Variants in PDZRN3 observed in about 807,000 individuals in gnomAD.
The protein encoded by PDZRN3 is PDZ domain containing ring finger 3.
A neutral mutation model predicts 85.7 loss-of-function variants in PDZRN3; 38 were observed. That is an observed-to-expected ratio of 0.44 (90% confidence interval 0.34 to 0.58). The LOEUF (loss-of-function observed/expected upper bound fraction) is 0.58, where lower values mean the gene tolerates loss of function less well. Ranked by LOEUF, PDZRN3 falls within the 20% of genes least tolerant of loss-of-function variation. The probability of loss-of-function intolerance (pLI) is 0.01; values close to 1 mark genes in which losing one functional copy is unlikely to be tolerated. For missense variants in PDZRN3, 1,629 were observed against 1,506.4 expected, an observed-to-expected ratio of 1.08 and a Z score of -1.35; for synonymous variants, 759 against 638.0, an observed-to-expected ratio of 1.19 and a Z score of -2.86.
chr3:73,525,665 T>C (rs566782349), intron 3 of PDZRN3, among the ~76,000 whole-genome samples: 1 of 152,344 alleles, frequency 6.6e-6, no homozygotes, highest in South Asian at 2.1e-4. Context: ...GCTACTTTAG[T>C]TGAGCCCCTG....
chr3:73,533,672 G>T (rs1466449190), intron 3 of PDZRN3, among the ~76,000 whole-genome samples: 2 of 152,074 alleles, frequency 1.3e-5, no homozygotes, highest in Non-Finnish European at 2.9e-5. Context: ...GAAGTCATCA[G>T]TTGCCCCTGC....
chr3:73,445,850 T>C (rs571956197), intron 3 of PDZRN3, among the ~76,000 whole-genome samples: 15 of 152,356 alleles, frequency 9.8e-5, no homozygotes, highest in Non-Finnish European at 1.8e-4. Context: ...GATTCTGGTC[T>C]GATGGCCAGA....
chr3:73,556,222 A>G (rs1701691867), intron 3 of PDZRN3, among the ~76,000 whole-genome samples: 1 of 152,210 alleles, frequency 6.6e-6, no homozygotes. Flanking sequence ...AAAGTTTTTC[A>G]TTTGAGAAAA....
intron 3 of PDZRN3, among the ~76,000 whole-genome samples, chr3:73,493,878 T>C (rs1449452016): frequency 6.6e-6 from 1 of 152,194 alleles, no homozygotes; most frequent in Non-Finnish European, 1.5e-5. Context: ...ACAGGATCAA[T>C]CTTGGCGGTG....
At chr3:73,460,856 C>T (rs1413681253) in intron 3 of PDZRN3, among the ~76,000 whole-genome samples, 1 of 152,030 alleles carries the variant, frequency 6.6e-6, no homozygotes, top group Non-Finnish European at 1.5e-5. Flanking sequence ...TGCAGTGGCA[C>T]AATCTCGGCT....
chr3:73,503,826 C>A, intron 3 of PDZRN3, among the ~76,000 whole-genome samples: 1 of 152,112 alleles, frequency 6.6e-6, no homozygotes, highest in South Asian at 2.1e-4. Flanking sequence ...GGCTTTTATA[C>A]AAAATGTATA....
chr3:73,436,701 C>T (rs187416898), intron 3 of PDZRN3, among the ~76,000 whole-genome samples: 2 of 152,202 alleles, frequency 1.3e-5, no homozygotes, highest in African/African-American at 2.4e-5. Context: ...ACTGTATTTC[C>T]GAGCAGTGGT....
intron 5 of PDZRN3, among the ~76,000 whole-genome samples, chr3:73,394,805 G>T (rs1406454974): frequency 2.0e-5 from 3 of 152,216 alleles, no homozygotes; most frequent in African/African-American, 7.2e-5. Flanking sequence ...GAAGAATCTG[G>T]TTGCTGACAG....
At chr3:73,431,406 C>G (rs1052654830) in intron 3 of PDZRN3, among the ~76,000 whole-genome samples, 1 of 152,206 alleles carries the variant, frequency 6.6e-6, no homozygotes, top group African/African-American at 2.4e-5. Context: ...AGGATAAAGT[C>G]TGAGCCCTGG....
chr3:73,577,515 T>C (rs1169012765), intron 3 of PDZRN3, among the ~76,000 whole-genome samples: 3 of 152,178 alleles, frequency 2.0e-5, no homozygotes, highest in Non-Finnish European at 4.4e-5. Flanking sequence ...ATACCTTGTA[T>C]AGAATGGTTC....
intron 3 of PDZRN3, among the ~76,000 whole-genome samples, chr3:73,536,480 G>A (rs138371946): frequency 4.6e-4 from 70 of 152,304 alleles, no homozygotes; most frequent in African/African-American, 1.7e-3. Flanking sequence ...GGCATGACAG[G>A]TATGTGTGTC....
chr3:73,546,522 T>A (rs929242308), intron 3 of PDZRN3, among the ~76,000 whole-genome samples: 1 of 152,328 alleles, frequency 6.6e-6, no homozygotes, highest in Admixed American at 6.5e-5. Context: ...TGCCCATTCA[T>A]CAGTGAGGAA....
chr3:73,511,426 G>A (rs923966218), intron 3 of PDZRN3, among the ~76,000 whole-genome samples: 11 of 152,196 alleles, frequency 7.2e-5, no homozygotes, highest in African/African-American at 2.4e-4. Flanking sequence ...GCATCCTCTA[G>A]AGCTGGGTTT....
chr3:73,454,797 T>C (rs1052160917), intron 3 of PDZRN3, among the ~76,000 whole-genome samples: 2 of 152,226 alleles, frequency 1.3e-5, no homozygotes, highest in African/African-American at 2.4e-5. Flanking sequence ...AATAGATTTT[T>C]TAAAAGCATG....
Position 73,608,699 on chromosome 3 carries a change from T to C in PDZRN3, c.724-15A>G. On this transcript the variant is annotated splice_polypyrimidine_tract_variant and intron_variant, in intron 1 of 9. Transcript: ENST00000263666. ...GTTTCTTCGCCCTGCAGGTAACAAATGAGATCAAACTTTTATTTACCAACA... is the reference window on the plus strand; with the variant it reads ...GTTTCTTCGCCCTGCAGGTAACAAACGAGATCAAACTTTTATTTACCAACA... 6.4e-7 allele frequency: 1 copy of C among 1,554,690 alleles called. No homozygotes were observed. Among genetic ancestry groups the C allele is most frequent in the Non-Finnish European group, 8.8e-7 (1 of 1,132,246 alleles).
chr3:73,511,848 T>TTACATGGG (rs1477576558), intron 3 of PDZRN3, among the ~76,000 whole-genome samples: 1 of 152,196 alleles, frequency 6.6e-6, no homozygotes, highest in Non-Finnish European at 1.5e-5. Flanking sequence ...CGGCCCATAT[T>TTACATGGG]TACATGAACG....
intron 3 of PDZRN3, among the ~76,000 whole-genome samples, chr3:73,518,021 A>C (rs1160112373): frequency 1.3e-5 from 2 of 152,252 alleles, no homozygotes; most frequent in African/African-American, 4.8e-5. Flanking sequence ...TACCCAAAAG[A>C]ATGGAAAGCA....
intron 3 of PDZRN3, among the ~76,000 whole-genome samples, chr3:73,471,921 C>T (rs925872550): frequency 2.0e-5 from 3 of 152,188 alleles, no homozygotes; most frequent in Admixed American, 1.3e-4. Flanking sequence ...GAAACACAAG[C>T]GGCATTAATG....
chr3:73,569,609 C>T, intron 3 of PDZRN3: 1 of 1,009,706 alleles, frequency 9.9e-7, no homozygotes, highest in Middle Eastern at 5.0e-4. Context: ...CTGTGCCAAA[C>T]CTCAGCCCTG....
Sources: allele counts gnomAD v4.1 joint callset (sites outside exome capture counted in the v4.1 genomes callset), GRCh38; gene constraint gnomAD v4.1.1; transcripts MANE v1.5; gene names NCBI Gene and HGNC (gene_info 2026-07-23, HGNC 2026-07-21).